UNC13C: variants seen among roughly 807,000 people sequenced by gnomAD.
UNC13C encodes the protein unc-13 homolog C, also known as protein unc-13 homolog C.
A neutral mutation model predicts 245.4 loss-of-function variants in UNC13C; 174 were observed. The ratio of observed to expected loss-of-function variants is 0.71; its 90% CI spans 0.63 to 0.80. UNC13C has a LOEUF of 0.80. UNC13C is among the 30% of genes least tolerant of loss of function. The pLI, the probability that UNC13C is intolerant of heterozygous loss-of-function variation, is 0.00. For synonymous variants in UNC13C, 992 were observed against 895.1 expected (o/e 1.11, Z -1.93); for missense variants, 2,829 against 2,602.9 (o/e 1.09, Z -1.89).
At chr15:54,268,771 T>A (rs2036611453) in intron 10 of UNC13C, among the ~76,000 whole-genome samples, 2 of 152,104 alleles carry the variant, frequency 1.3e-5, no homozygotes, top group African/African-American at 4.8e-5. Context: ...TTAGTATGAT[T>A]TCTAGGACTG....
At chr15:54,062,869 G>T (rs1407714348) in intron 2 of UNC13C, among the ~76,000 whole-genome samples, 1 of 152,192 alleles carries the variant, frequency 6.6e-6, no homozygotes, top group African/African-American at 2.4e-5. Context: ...AAATCTCACT[G>T]TAGCTTGGTG....
intron 4 of UNC13C, among the ~76,000 whole-genome samples, chr15:54,234,302 C>T (rs1170443344): frequency 6.6e-6 from 1 of 151,486 alleles, no homozygotes; most frequent in Admixed American, 6.6e-5. Context: ...TGCTTTTTTT[C>T]ACTAAACATC....
intron 10 of UNC13C, among the ~76,000 whole-genome samples, chr15:54,272,406 A>T (rs1461310698): frequency 6.6e-6 from 1 of 152,228 alleles, no homozygotes; most frequent in Non-Finnish European, 1.5e-5. Context: ...TTTTAAAATG[A>T]CAGCCTGAAC....
Position 54,341,804 on chromosome 15 carries a change from G to A in UNC13C, c.4713+3315G>A, listed in dbSNP as rs150342161. On this transcript the variant is annotated intron_variant, in intron 17 of 32. Transcript: ENST00000260323. ...ATCCTGGCTAACACAATGAAACCCCGTCTCTGCTAAAAATACAAAAAATTA... is the reference window on the plus strand; with the variant it reads ...ATCCTGGCTAACACAATGAAACCCCATCTCTGCTAAAAATACAAAAAATTA... Among the ~76,000 whole-genome samples, 1,232 of 151,988 alleles carry A rather than the reference G, an allele frequency of 8.1e-3. 21 individuals are homozygous for A. Among genetic ancestry groups the A allele is most frequent in the African/African-American group, 0.028 (1,163 of 41,448 alleles).
At chr15:54,185,467 C>T (rs887888750) in intron 4 of UNC13C, among the ~76,000 whole-genome samples, 3 of 150,638 alleles carry the variant, frequency 2.0e-5, no homozygotes, top group Admixed American at 1.3e-4. Flanking sequence ...AGGAAGGAAT[C>T]GAGTTTCAGC....
At chr15:54,216,452 T>G (rs1350480407) in intron 4 of UNC13C, among the ~76,000 whole-genome samples, 1 of 151,952 alleles carries the variant, frequency 6.6e-6, no homozygotes, top group East Asian at 1.9e-4. Context: ...ATGGATATAT[T>G]GTCTTGAAAT....
chr15:53,916,714 G>A, the UNC13C span, among the ~76,000 whole-genome samples: 1 of 152,190 alleles, frequency 6.6e-6, no homozygotes, highest in Non-Finnish European at 1.5e-5. Flanking sequence ...CTGAGGATGT[G>A]CATTTTAAAT....
intron 2 of UNC13C, among the ~76,000 whole-genome samples, chr15:54,082,516 T>C (rs1899004218): frequency 6.6e-6 from 1 of 152,206 alleles, no homozygotes; most frequent in Admixed American, 6.5e-5. Flanking sequence ...TTCAACTTTC[T>C]CTTGGATCTC....
At chr15:53,906,136 C>A in the UNC13C span, among the ~76,000 whole-genome samples, 1 of 152,046 alleles carries the variant, frequency 6.6e-6, no homozygotes, top group Admixed American at 6.5e-5. Flanking sequence ...GAGTTCAAGA[C>A]AAGCCTGGGC....
At position 53,993,382 on chromosome 15, in the gene UNC13C, C is replaced by T. The variant is rs184359718; in HGVS notation, c.-257+14455C>T. ...AGAAGAGAGAGAATGAGCACTTGAC[C>T]GTGAACCTCTCTCAGGGAGTGAGTC... On this transcript the variant is annotated intron_variant, in intron 1 of 32. Transcript: ENST00000260323. Among the ~76,000 whole-genome samples, 425 of 152,136 alleles carry T rather than the reference C, an allele frequency of 2.8e-3. 1 individual carries two copies. Among genetic ancestry groups the T allele is most frequent in the African/African-American group, 8.3e-3 (344 of 41,530 alleles).
the UNC13C span, among the ~76,000 whole-genome samples, chr15:53,900,258 G>C: frequency 5.3e-5 from 8 of 152,216 alleles, no homozygotes; most frequent in South Asian, 1.5e-3. Flanking sequence ...TGTGTCCCCA[G>C]ACTTATTCCA....
At chr15:54,574,346 T>TA (rs1452267944) in intron 30 of UNC13C, among the ~76,000 whole-genome samples, 7 of 152,166 alleles carry the variant, frequency 4.6e-5, no homozygotes, top group Admixed American at 2.6e-4. Flanking sequence ...ATGCATTACT[T>TA]ACAGTTTTAG....
chr15:54,456,536 G>C (rs1220979563), intron 19 of UNC13C, among the ~76,000 whole-genome samples: 1 of 151,608 alleles, frequency 6.6e-6, no homozygotes, highest in Non-Finnish European at 1.5e-5. Flanking sequence ...GCAGTGTTTT[G>C]TAGTTTTCCT....
intron 28 of UNC13C, among the ~76,000 whole-genome samples, chr15:54,552,368 T>C (rs1432710369): frequency 9.1e-6 from 1 of 109,856 alleles, no homozygotes; most frequent in Non-Finnish European, 1.7e-5. Flanking sequence ...ACAATGTATA[T>C]TATATATTAC....
chr15:53,858,620 C>G, the UNC13C span, among the ~76,000 whole-genome samples: 6 of 151,900 alleles, frequency 3.9e-5, no homozygotes, highest in Non-Finnish European at 7.4e-5. Context: ...GGGGTTTCAC[C>G]GTGTTGGTCA....
At chr15:54,195,723 A>G (rs1214198405) in intron 4 of UNC13C, among the ~76,000 whole-genome samples, 7 of 152,148 alleles carry the variant, frequency 4.6e-5, no homozygotes, top group Non-Finnish European at 7.3e-5. Context: ...AGCAATGTTT[A>G]GCAAAGTGGT....
intron 17 of UNC13C, among the ~76,000 whole-genome samples, chr15:54,391,218 G>A (rs1446207043): frequency 6.6e-6 from 1 of 151,764 alleles, no homozygotes; most frequent in East Asian, 1.9e-4. Context: ...ATATATTTTG[G>A]CTATGTACAT....
At chr15:54,196,909 G>A (rs1379171854) in intron 4 of UNC13C, among the ~76,000 whole-genome samples, 2 of 152,126 alleles carry the variant, frequency 1.3e-5, no homozygotes, top group Non-Finnish European at 2.9e-5. Context: ...TTCCAGGGAT[G>A]AGAAAATGTA....
chr15:53,983,120 T>G (rs907051331), intron 1 of UNC13C, among the ~76,000 whole-genome samples: 1 of 152,170 alleles, frequency 6.6e-6, no homozygotes, highest in African/African-American at 2.4e-5. Context: ...CATTAAATAT[T>G]TGCTGTAGCT....
Sources: gnomAD v4.1 joint callset for allele counts (sites outside exome capture counted in the v4.1 genomes callset) on GRCh38, gnomAD v4.1.1 for gene constraint, MANE v1.5 for transcripts, NCBI Gene and HGNC (gene_info 2026-07-23, HGNC 2026-07-21) for gene names.